Variants in TTC1 observed in about 807,000 individuals in gnomAD.
TTC1 encodes the protein tetratricopeptide repeat domain 1.
Under a neutral mutation model 37.6 loss-of-function variants are expected in TTC1, and 31 were observed. That is an observed-to-expected ratio of 0.82 (90% confidence interval 0.62 to 1.11). The LOEUF (loss-of-function observed/expected upper bound fraction) is 1.11, where lower values mean the gene tolerates loss of function less well. TTC1 is among the 50% of genes most tolerant of loss of function. The pLI is 0.00. For synonymous variants in TTC1, 127 were observed against 122.4 expected, an observed-to-expected ratio of 1.04 and a Z score of -0.25; for missense variants, 351 against 339.0, an observed-to-expected ratio of 1.04 and a Z score of -0.28.
chr5:160,019,499 A>T (rs1173601215), intron 2 of TTC1, among the ~76,000 whole-genome samples: 1 of 151,164 alleles, frequency 6.6e-6, no homozygotes, highest in Non-Finnish European at 1.5e-5. Context: ...GTTCTCAGTA[A>T]CTTCTTCCAT....
intron 2 of TTC1, among the ~76,000 whole-genome samples, chr5:160,014,692 G>A (rs1404005845): frequency 1.3e-5 from 2 of 152,096 alleles, no homozygotes; most frequent in African/African-American, 4.8e-5. Context: ...AACAGAGTGA[G>A]ACCTTGTCTC....
chr5:160,054,901 T>C (rs1757502868), intron 7 of TTC1, among the ~76,000 whole-genome samples: 1 of 152,230 alleles, frequency 6.6e-6, no homozygotes, highest in South Asian at 2.1e-4. Flanking sequence ...GACGAGACAC[T>C]TTCAGCTACC....
chr5:160,034,124 CTCTT>C (rs1466845065), intron 2 of TTC1, among the ~76,000 whole-genome samples: 2 of 139,350 alleles, frequency 1.4e-5, no homozygotes, highest in African/African-American at 5.3e-5. Flanking sequence ...GAGACCCTAT[CTCTT>C]TTTTTTTTTT....
intron 2 of TTC1, among the ~76,000 whole-genome samples, chr5:160,019,333 T>G (rs948155834): frequency 3.9e-5 from 6 of 152,184 alleles, no homozygotes; most frequent in Non-Finnish European, 7.3e-5. Context: ...GATGTTATAT[T>G]TCAGTCTCTT....
chr5:160,054,476 G>A (rs770583831), intron 7 of TTC1, among the ~76,000 whole-genome samples: 6 of 152,028 alleles, frequency 3.9e-5, no homozygotes, highest in Non-Finnish European at 7.4e-5. Flanking sequence ...TTAGCCAGGC[G>A]TGGTAGCACA....
chr5:160,026,468 A>G (rs1756808253), intron 2 of TTC1, among the ~76,000 whole-genome samples: 1 of 152,244 alleles, frequency 6.6e-6, no homozygotes. Context: ...TTTCCTTTAT[A>G]TATTTTATGG....
At chr5:160,010,915 G>A in intron 2 of TTC1, 57 bp downstream of exon 2, 4 of 1,498,824 alleles carry the variant, frequency 2.7e-6, no homozygotes, top group Non-Finnish European at 3.6e-6. Context: ...TTAAAATGTG[G>A]TCGATACTGT....
chr5:160,053,311 G>T (rs1176062416), intron 7 of TTC1, among the ~76,000 whole-genome samples: 2 of 152,258 alleles, frequency 1.3e-5, no homozygotes, highest in East Asian at 3.9e-4. Flanking sequence ...GGGTAGTGTG[G>T]GCTGGGTGTG....
At chr5:160,040,366 G>A (rs1051490113) in intron 4 of TTC1, among the ~76,000 whole-genome samples, 1 of 152,140 alleles carries the variant, frequency 6.6e-6, no homozygotes, top group Non-Finnish European at 1.5e-5. Context: ...GTGAGTGAAT[G>A]TGAAGGCCTA....
At chr5:160,050,737 CA>C (rs1561637477) in intron 6 of TTC1, among the ~76,000 whole-genome samples, 1 of 151,506 alleles carries the variant, frequency 6.6e-6, no homozygotes, top group Non-Finnish European at 1.5e-5. Flanking sequence ...GCAACCCTCC[CA>C]CCTCAGCCTC....
rs749099073 is a variant in TTC1 at position 160,010,832 on chromosome 5, A to G, written c.304A>G (p.Lys102Glu). 6.2e-7 allele frequency: 1 copy of G among 1,612,800 alleles called. No individual in the cohort carries two copies. Among genetic ancestry groups the G allele is most frequent in the Non-Finnish European group, 8.5e-7 (1 of 1,179,082 alleles). ...LDEEYLIELEKNMSDEEKQKR... is the reference protein window; with the variant it reads ...LDEEYLIELEENMSDEEKQKR... The stretch of plus-strand genomic sequence containing the variant: ...TGAAGAATACCTAATAGAACTGGAA[A>G]AAAACATGTCGGATGAAGAGAAACA... The change falls in exon 2 of 8, where the codon AAA becomes GAA. Residue 102 changes from lysine (K) to glutamate (E), a missense_variant. Lys to Glu is a moderately conservative substitution (Grantham distance 56, BLOSUM62 1). Transcript: ENST00000231238.
Position 160,050,274 on chromosome 5 carries a change from C to A in TTC1, c.690+612C>A, listed in dbSNP as rs1316517039. 2.0e-5 allele frequency among the ~76,000 whole-genome samples: 3 copies of A among 152,046 alleles called. No individual in the cohort carries two copies. In the South Asian group the frequency reaches 6.2e-4, roughly 31 times the overall value. On this transcript the variant is annotated intron_variant, in intron 6 of 7. Transcript: ENST00000231238. ...ACCAGCCTGACCAACATGGAGAAAC[C>A]CTGTCTCTACTAAAAATACAAAATT...
chr5:160,023,638 A>C (rs1394710278), intron 2 of TTC1: 3 of 960,296 alleles, frequency 3.1e-6, no homozygotes, highest in Non-Finnish European at 3.2e-6. Context: ...AGATGGACAC[A>C]GGTGACTAAG....
At chr5:160,019,235 T>C (rs535464534) in intron 2 of TTC1, among the ~76,000 whole-genome samples, 1 of 152,310 alleles carries the variant, frequency 6.6e-6, no homozygotes, top group African/African-American at 2.4e-5. Context: ...TTTAAAACAT[T>C]AGGCTCTGAA....
At position 160,063,883 on chromosome 5, in the gene TTC1, C is replaced by G. The variant is rs576277843; in HGVS notation, c.746-1049C>G. On this transcript the variant is annotated intron_variant, in intron 7 of 7. Coordinates refer to ENST00000231238, the MANE Select transcript of TTC1 (RefSeq NM_003314.3). Reference sequence around the variant, plus strand: ...TCTTGAACTCCTGGGCTCAAACCCTCCTCTTGCCTCAGCTTCCCAAAGTGC... The same window carrying G: ...TCTTGAACTCCTGGGCTCAAACCCTGCTCTTGCCTCAGCTTCCCAAAGTGC... 3.9e-5 allele frequency among the ~76,000 whole-genome samples: 6 copies of G among 152,134 alleles called. No individual in the cohort carries two copies. In the South Asian group the frequency reaches 1.0e-3, roughly 26 times the overall value.
intron 6 of TTC1, among the ~76,000 whole-genome samples, chr5:160,050,481 A>G (rs1332744540): frequency 6.6e-6 from 1 of 152,204 alleles, no homozygotes; most frequent in Admixed American, 6.5e-5. Flanking sequence ...TTTAAAAAAA[A>G]GTTAAAAATA....
At chr5:160,041,832 C>T (rs993312720) in intron 4 of TTC1, among the ~76,000 whole-genome samples, 4 of 152,178 alleles carry the variant, frequency 2.6e-5, no homozygotes, top group Admixed American at 2.6e-4. Context: ...GTATACAATT[C>T]TGTGGATTAA....
chr5:160,032,487 G>T (rs1756928054), intron 2 of TTC1, among the ~76,000 whole-genome samples: 1 of 152,086 alleles, frequency 6.6e-6, no homozygotes, highest in Admixed American at 6.6e-5. Flanking sequence ...AGTACCCCAT[G>T]TCTCTCACTT....
Position 160,039,539 on chromosome 5 carries a change from G to A in TTC1, c.504+2736G>A, listed in dbSNP as rs533728227. Among the ~76,000 whole-genome samples, 77 of 151,800 alleles carry A rather than the reference G, an allele frequency of 5.1e-4. 1 individual carries two copies. The highest frequency in any genetic ancestry group is 1.7e-3 in the African/African-American group (72 of 41,408). ...AGCAGACAACACCTGGGTCCTCTGA[G>A]GTATTAGTAGACTATGAGCCTCAAA... On this transcript the variant is annotated intron_variant, in intron 4 of 7. Transcript: ENST00000231238.
Sources: gnomAD v4.1 joint callset for allele counts (sites outside exome capture counted in the v4.1 genomes callset) on GRCh38, gnomAD v4.1.1 for gene constraint, MANE v1.5 for transcripts, NCBI Gene and HGNC (gene_info 2026-07-23, HGNC 2026-07-21) for gene names.